Variants in ZNF536 observed in about 807,000 individuals in gnomAD.
ZNF536 encodes zinc finger protein 536.
Under a neutral mutation model 84.5 loss-of-function variants are expected in ZNF536, and 13 were observed. The observed-to-expected ratio is 0.15, with a 90% CI of 0.10 to 0.24. The LOEUF (loss-of-function observed/expected upper bound fraction) is 0.24. Among genes scored for constraint, ZNF536 ranks in the 10% least tolerant of loss-of-function variants. The pLI is 1.00. For missense variants in ZNF536, 1,536 were observed against 1,747.5 expected (o/e 0.88, Z 2.16); for synonymous variants, 811 against 742.5 (o/e 1.09, Z -1.50).
At chr19:30,587,620 G>T (rs979082886) in intron 1 of ZNF536, among the ~76,000 whole-genome samples, 2 of 152,158 alleles carry the variant, frequency 1.3e-5, no homozygotes, top group Non-Finnish European at 1.5e-5. Context: ...ATTGTCAGTC[G>T]AACTATTGAT....
Position 30,534,859 on chromosome 19 carries a change from A to C in ZNF536, c.2183A>C (p.Glu728Ala). The C allele has an allele frequency of 6.2e-7, 1 of 1,612,312 alleles. No homozygotes were observed. Among genetic ancestry groups the C allele is most frequent in the Non-Finnish European group, 8.5e-7 (1 of 1,178,868 alleles). The change falls in exon 3 of 5, where the codon GAG (glutamate) becomes GCG (alanine). Residue 728 changes from glutamate to alanine, a missense_variant. Glu to Ala is a moderately radical substitution (Grantham distance 107). Coordinates refer to ENST00000355537, the MANE Select transcript of ZNF536 (RefSeq NM_014717.3). The stretch of plus-strand genomic sequence containing the variant: ...TCCTTCGCTGCAGACATTGGCGAGG[A>C]GGCTGGGAGATCTGCCGGCGTCCAG... ...SSPSSSDIGE[E>A]AGRSAGVQQP... is the part of the protein sequence containing the mutation.
At chr19:30,551,598 G>A (rs1045127367) in intron 4 of ZNF536, among the ~76,000 whole-genome samples, 1 of 152,156 alleles carries the variant, frequency 6.6e-6, no homozygotes, top group East Asian at 1.9e-4. Flanking sequence ...TGGGGCTTGG[G>A]GACCCTCATG....
intron 2 of ZNF536, among the ~76,000 whole-genome samples, chr19:30,458,360 G>C (rs1471015982): frequency 6.6e-6 from 1 of 151,456 alleles, no homozygotes; most frequent in Non-Finnish European, 1.5e-5. Flanking sequence ...TCCATGGCTT[G>C]GGGGTGATTT....
At chr19:30,503,301 A>G (rs568357973) in intron 2 of ZNF536, among the ~76,000 whole-genome samples, 2 of 152,220 alleles carry the variant, frequency 1.3e-5, no homozygotes, top group Non-Finnish European at 2.9e-5. Context: ...TTACAAATCA[A>G]TAAGAAAAAG....
intron 3 of ZNF536, among the ~76,000 whole-genome samples, chr19:30,354,189 G>C (rs555793620): frequency 1.5e-4 from 23 of 152,114 alleles, no homozygotes; most frequent in African/African-American, 5.3e-4. Context: ...AGAATAAACA[G>C]TAGCTCCAGC....
At chr19:30,570,877 G>T (rs887748644) in intron 1 of ZNF536, among the ~76,000 whole-genome samples, 7 of 152,178 alleles carry the variant, frequency 4.6e-5, no homozygotes, top group African/African-American at 1.7e-4. Context: ...GGGGCTGCCT[G>T]TTGACTTCAA....
chr19:30,456,178 T>C (rs1030497130), intron 2 of ZNF536, among the ~76,000 whole-genome samples: 16 of 152,190 alleles, frequency 1.1e-4, no homozygotes, highest in Non-Finnish European at 1.6e-4. Flanking sequence ...TACTTTTTTT[T>C]CCCCAAGCTT....
intron 1 of ZNF536, among the ~76,000 whole-genome samples, chr19:30,569,444 T>G (rs2046460819): frequency 6.6e-6 from 1 of 151,296 alleles, no homozygotes; most frequent in African/African-American, 2.4e-5. Context: ...CATCCTCCTG[T>G]GCCCTTTCCT....
chr19:30,303,135 T>C (rs1247986037), intron 2 of ZNF536, among the ~76,000 whole-genome samples: 14 of 152,148 alleles, frequency 9.2e-5, no homozygotes, highest in Admixed American at 9.2e-4. Context: ...AGCTCCTAGA[T>C]GGGTGATGGG....
At chr19:30,391,171 G>T (rs1007391165) in intron 1 of ZNF536, among the ~76,000 whole-genome samples, 3 of 152,310 alleles carry the variant, frequency 2.0e-5, no homozygotes, top group South Asian at 4.1e-4. Flanking sequence ...CTGCCACTTT[G>T]TCCCTGAGGA....
intron 1 of ZNF536, among the ~76,000 whole-genome samples, chr19:30,381,981 G>C (rs946483839): frequency 6.6e-6 from 1 of 152,164 alleles, no homozygotes; most frequent in African/African-American, 2.4e-5. Flanking sequence ...TTTTGGAAGA[G>C]AACAAGCAGA....
chr19:30,609,707 C>A (rs1263781288), intron 1 of ZNF536, among the ~76,000 whole-genome samples: 1 of 152,182 alleles, frequency 6.6e-6, no homozygotes, highest in African/African-American at 2.4e-5. Context: ...TTTGTTTATT[C>A]ATTTATTCAT....
chr19:30,385,647 C>T (rs1391565399), intron 1 of ZNF536, among the ~76,000 whole-genome samples: 4 of 152,168 alleles, frequency 2.6e-5, no homozygotes, highest in Admixed American at 2.0e-4. Flanking sequence ...CTGCCATCTC[C>T]CAGGGAATGG....
At position 30,629,200 on chromosome 19, in the gene ZNF536, T is replaced by C. The variant is rs138874686; in HGVS notation, c.169+79686T>C. ...GTGCTAGACAATTGCCTTTTATTTATTTAATTTTGTTTTTTTGAGACAGAG... is the reference window on the plus strand; with the variant it reads ...GTGCTAGACAATTGCCTTTTATTTACTTAATTTTGTTTTTTTGAGACAGAG... On this transcript the variant is annotated intron_variant, in intron 1 of 1. Coordinates refer to the ZNF536 transcript ENST00000592773. Among the ~76,000 whole-genome samples the C allele has an allele frequency of 1.1e-4, 17 of 152,114 alleles. No homozygotes were observed. The East Asian group carries it at 3.3e-3, about 30-fold the overall frequency.
chr19:30,236,288 C>A (rs2023497588), intron 1 of ZNF536, among the ~76,000 whole-genome samples: 1 of 152,246 alleles, frequency 6.6e-6, no homozygotes, highest in Non-Finnish European at 1.5e-5. Flanking sequence ...AAGCCACAGC[C>A]TGCCTGGAGC....
chr19:30,347,963 C>T (rs1047717941), intron 2 of ZNF536, among the ~76,000 whole-genome samples: 1 of 152,250 alleles, frequency 6.6e-6, no homozygotes, highest in African/African-American at 2.4e-5. Context: ...TTCAACCCGC[C>T]ACGTGGGCAT....
chr19:30,701,278 C>T (rs988782626), intron 1 of ZNF536, among the ~76,000 whole-genome samples: 7 of 150,744 alleles, frequency 4.6e-5, no homozygotes, highest in Non-Finnish European at 1.0e-4. Flanking sequence ...GACACAGACG[C>T]ATACAAACAC....
chr19:30,620,155 G>T (rs2048432213), intron 1 of ZNF536, among the ~76,000 whole-genome samples: 1 of 152,000 alleles, frequency 6.6e-6, no homozygotes, highest in African/African-American at 2.4e-5. Flanking sequence ...GGTACAATAG[G>T]GAGTGGTGGG....
chr19:30,384,546 AC>A, intron 1 of ZNF536, among the ~76,000 whole-genome samples: 1 of 151,382 alleles, frequency 6.6e-6, no homozygotes, highest in Middle Eastern at 3.4e-3. Context: ...CCTGGGTGGG[AC>A]CCTGCTTTGG....
Sources: gnomAD v4.1 joint callset for allele counts (sites outside exome capture counted in the v4.1 genomes callset) on GRCh38, gnomAD v4.1.1 for gene constraint, MANE v1.5 for transcripts, NCBI Gene and HGNC (gene_info 2026-07-23, HGNC 2026-07-21) for gene names.